Variants in TRIM2 observed in about 807,000 individuals in gnomAD.
TRIM2 encodes the protein tripartite motif containing 2.
A neutral mutation model predicts 75.2 loss-of-function variants in TRIM2; 20 were observed. The observed-to-expected ratio is 0.27, with a 90% CI of 0.19 to 0.39. TRIM2 has a LOEUF of 0.39. Among genes scored for constraint, TRIM2 ranks in the 10% least tolerant of loss-of-function variants. TRIM2 has a pLI of 1.00. For synonymous variants in TRIM2, 373 were observed against 388.3 expected (o/e 0.96, Z 0.46); for missense variants, 660 against 990.8 (o/e 0.67, Z 4.48).
rs553496381 is a variant in TRIM2, at chr4:153,179,860, T to C, written c.-49+26590T>C. Among the ~76,000 whole-genome samples the C allele has an allele frequency of 2.9e-4, 44 of 152,336 alleles. No homozygotes were observed. In the South Asian group the frequency reaches 3.1e-3, roughly 11 times the overall value. ...CTGAGGCTCACAACGGGAGCCTCTA[T>C]TTAGATATCCAGCCACTGTGTTGAA... On this transcript the variant is annotated intron_variant, in intron 1 of 11. Transcript: ENST00000437508.
chr4:153,287,768 T>G (rs1760983088), intron 3 of TRIM2, among the ~76,000 whole-genome samples: 1 of 152,214 alleles, frequency 6.6e-6, no homozygotes, highest in South Asian at 2.1e-4. Context: ...GATTATGCTG[T>G]TTTATGCAGT....
chr4:153,332,792 T>C (rs1242381485), intron 11 of TRIM2, among the ~76,000 whole-genome samples: 2 of 152,184 alleles, frequency 1.3e-5, no homozygotes, highest in Non-Finnish European at 2.9e-5. Flanking sequence ...CTTATAAGGA[T>C]AGCTAAAATT....
At chr4:153,181,903 C>T (rs111648220) in intron 1 of TRIM2, among the ~76,000 whole-genome samples, 5,201 of 152,222 alleles carry the variant, frequency 0.034, 155 homozygotes, top group South Asian at 0.06. Flanking sequence ...GAGGTTCCTA[C>T]CCTGAGGGCC....
intron 1 of TRIM2, among the ~76,000 whole-genome samples, chr4:153,153,937 A>G (rs1398338428): frequency 6.6e-6 from 1 of 152,192 alleles, no homozygotes; most frequent in Non-Finnish European, 1.5e-5. Context: ...AAAGACCTCA[A>G]TTCCCTCCTT....
intron 1 of TRIM2, among the ~76,000 whole-genome samples, chr4:153,236,375 C>T (rs926615754): frequency 1.3e-5 from 2 of 152,174 alleles, no homozygotes; most frequent in African/African-American, 2.4e-5. Context: ...TACTCCCTCA[C>T]TGTGCCCCAT....
At chr4:153,225,890 A>AT (rs999797771) in intron 1 of TRIM2, among the ~76,000 whole-genome samples, 6 of 152,040 alleles carry the variant, frequency 3.9e-5, no homozygotes, top group Non-Finnish European at 8.8e-5. Context: ...TACTTTTTTA[A>AT]TTTTTTTAGA....
chr4:153,204,717 G>T (rs1176825628), intron 1 of TRIM2, among the ~76,000 whole-genome samples, 157 bp downstream of exon 1: 2 of 152,172 alleles, frequency 1.3e-5, no homozygotes, highest in Non-Finnish European at 2.9e-5. Context: ...TGCTGACAAA[G>T]CTCACAGTGA....
chr4:153,244,358 T>TTCTTCTTCC (rs1560874377), intron 1 of TRIM2, among the ~76,000 whole-genome samples: 8 of 22,212 alleles, frequency 3.6e-4, no homozygotes, highest in East Asian at 1.5e-3. Flanking sequence ...CTTCTTCCTC[T>TTCTTCTTCC]TCTTCTTCTT....
chr4:153,258,394 G>GA (rs1284234579), intron 1 of TRIM2, among the ~76,000 whole-genome samples: 1 of 147,932 alleles, frequency 6.8e-6, no homozygotes, highest in African/African-American at 2.5e-5. Flanking sequence ...ACAGGGAAAA[G>GA]AAAAAAAGAA....
intron 1 of TRIM2, among the ~76,000 whole-genome samples, chr4:153,171,359 G>A (rs1402872457): frequency 6.6e-6 from 1 of 152,116 alleles, no homozygotes; most frequent in Non-Finnish European, 1.5e-5. Context: ...GCTGAGGCAG[G>A]CGGATCACCT....
chr4:153,256,945 T>A (rs984120870), intron 1 of TRIM2, among the ~76,000 whole-genome samples: 2 of 148,764 alleles, frequency 1.3e-5, no homozygotes, highest in African/African-American at 2.5e-5. Flanking sequence ...TTTAAAAAAA[T>A]TATGATATGT....
At chr4:153,180,798 G>C (rs1393686062) in intron 1 of TRIM2, among the ~76,000 whole-genome samples, 1 of 152,196 alleles carries the variant, frequency 6.6e-6, no homozygotes, top group Non-Finnish European at 1.5e-5. Flanking sequence ...ATTTTTAAGA[G>C]TCCCTTGGGA....
intron 1 of TRIM2, among the ~76,000 whole-genome samples, chr4:153,262,766 A>G (rs1753891020): frequency 6.6e-6 from 1 of 152,208 alleles, no homozygotes; most frequent in Non-Finnish European, 1.5e-5. Context: ...AAGTTAAACT[A>G]TAAACTAAAT....
intron 1 of TRIM2, among the ~76,000 whole-genome samples, chr4:153,161,929 A>C (rs1729776708): frequency 6.6e-6 from 1 of 152,254 alleles, no homozygotes; most frequent in South Asian, 2.1e-4. Context: ...TGAGTGCTTA[A>C]GCAAATATGG....
At chr4:153,171,840 CTTT>C (rs398064151) in intron 1 of TRIM2, among the ~76,000 whole-genome samples, 3 of 114,802 alleles carry the variant, frequency 2.6e-5, no homozygotes, top group East Asian at 4.9e-4. Context: ...CGTTTTGGGG[CTTT>C]TTTTTTTTTT....
chr4:153,205,313 A>G (rs1349773839), intron 1 of TRIM2, among the ~76,000 whole-genome samples: 1 of 152,146 alleles, frequency 6.6e-6, no homozygotes, highest in East Asian at 1.9e-4. Flanking sequence ...GTGAGGGTGG[A>G]AAACCACTCA....
At chr4:153,237,299 T>C (rs1745287732) in intron 1 of TRIM2, among the ~76,000 whole-genome samples, 1 of 152,160 alleles carries the variant, frequency 6.6e-6, no homozygotes, top group African/African-American at 2.4e-5. Context: ...TTTTGATTAA[T>C]TGATTATTAA....
intron 1 of TRIM2, among the ~76,000 whole-genome samples, chr4:153,241,471 A>T (rs1447290588): frequency 6.6e-6 from 1 of 152,196 alleles, no homozygotes; most frequent in African/African-American, 2.4e-5. Flanking sequence ...ATATTCCTTT[A>T]CGAACTGTGA....
chr4:153,248,051 G>A lies in TRIM2; in HGVS notation c.31-22284G>A, dbSNP rs1218424984. Among the ~76,000 whole-genome samples the A allele has an allele frequency of 1.4e-5, 2 of 147,836 alleles. No individual in the cohort carries two copies. Among genetic ancestry groups the A allele is most frequent in the South Asian group, 2.1e-4 (1 of 4,682 alleles). ...CGCTCTGTCCCCCAGGCTGGAGTGC[G>A]GTGACACAGTCTCTGCTCACTGGCG... On this transcript the variant is annotated intron_variant, in intron 1 of 11. Coordinates refer to ENST00000338700, the MANE Select transcript of TRIM2 (RefSeq NM_015271.5). The surrounding 1 kb of genome is among the most constrained non-coding windows in gnomAD (Gnocchi z 4.0).
Sources: allele counts gnomAD v4.1 joint callset (sites outside exome capture counted in the v4.1 genomes callset), GRCh38; gene constraint gnomAD v4.1.1; non-coding constraint Gnocchi (gnomAD v3.1); transcripts MANE v1.5; gene names NCBI Gene and HGNC (gene_info 2026-07-23, HGNC 2026-07-21).